The following PLEKHM2 variants were observed in gnomAD, a reference collection of about 807,000 sequenced individuals.
PLEKHM2 encodes the protein pleckstrin homology and RUN domain containing M2.
A neutral mutation model predicts 116.3 loss-of-function variants in PLEKHM2; 77 were observed. The ratio of observed to expected loss-of-function variants is 0.66; its 90% CI spans 0.55 to 0.80. The LOEUF (loss-of-function observed/expected upper bound fraction) is 0.80. Among genes scored for constraint, PLEKHM2 ranks in the 30% least tolerant of loss-of-function variants. The pLI is 0.00. For missense variants in PLEKHM2, 1,183 were observed against 1,354.9 expected (o/e 0.87, Z 1.99); for synonymous variants, 562 against 571.0 (o/e 0.98, Z 0.22).
chr1:15,698,040 G>C (rs986157520), intron 1 of PLEKHM2, among the ~76,000 whole-genome samples: 1 of 151,514 alleles, frequency 6.6e-6, no homozygotes, highest in South Asian at 2.1e-4. Context: ...AAAGATCGAT[G>C]CAGTCCCATG....
At chr1:15,703,090 C>T (rs919459495) in intron 1 of PLEKHM2, among the ~76,000 whole-genome samples, 2 of 152,232 alleles carry the variant, frequency 1.3e-5, no homozygotes, top group Non-Finnish European at 2.9e-5. Flanking sequence ...TGCTGAGGCT[C>T]TTCCAAACAC....
chr1:15,715,296 G>A (rs1471934853), intron 1 of PLEKHM2, among the ~76,000 whole-genome samples: 1 of 152,208 alleles, frequency 6.6e-6, no homozygotes, highest in African/African-American at 2.4e-5. Flanking sequence ...GCTGCAGCGA[G>A]CCGTGATCAC....
chr1:15,705,830 G>T (rs759745171), intron 1 of PLEKHM2, among the ~76,000 whole-genome samples: 3 of 152,066 alleles, frequency 2.0e-5, no homozygotes, highest in African/African-American at 4.8e-5. Flanking sequence ...GGTGGCTCAC[G>T]CCTGTAATCC....
intron 1 of PLEKHM2, among the ~76,000 whole-genome samples, chr1:15,711,733 A>G (rs183808986): frequency 1.3e-5 from 2 of 152,360 alleles, no homozygotes; most frequent in Non-Finnish European, 2.9e-5. Flanking sequence ...AAATTTCTCA[A>G]TAGGGCAAAA....
chr1:15,732,455 C>A lies in PLEKHM2; in HGVS notation c.2731C>A (p.Arg911Ser). 6.3e-7 allele frequency: 1 copy of A among 1,599,712 alleles called. No homozygotes were observed. The highest frequency in any genetic ancestry group is 8.5e-7 in the Non-Finnish European group (1 of 1,173,584). The change falls in exon 18 of 20, where the codon CGC becomes AGC. Residue 911 changes from arginine (R) to serine (S), a missense_variant. This residue lies in a region of PLEKHM2 where 594 missense variants were observed against 720.1 expected (regional missense o/e 0.82). Transcript: ENST00000375799. ...TGAGGATTGCCAGACCAGCTTCTTC[C>A]GCTCTTTGGGCACAGCCAAGCTGGG... ...CHEDCQTSFFRSLGTAKLGDI... is the reference protein window; with the variant it reads ...CHEDCQTSFFSSLGTAKLGDI...
At chr1:15,704,665 C>G (rs1281942617) in intron 1 of PLEKHM2, among the ~76,000 whole-genome samples, 1 of 152,224 alleles carries the variant, frequency 6.6e-6, no homozygotes, top group Non-Finnish European at 1.5e-5. Context: ...TCCACACAAG[C>G]TCCTGCCCTC....
At chr1:15,701,113 C>CA (rs35537871) in intron 1 of PLEKHM2, among the ~76,000 whole-genome samples, 45,381 of 81,594 alleles carry the variant, frequency 0.56, 12,078 homozygotes, top group East Asian at 0.66. Context: ...AACTCTGTCT[C>CA]AAAAAAAAAA....
chr1:15,707,637 T>A (rs1365664665), intron 1 of PLEKHM2, among the ~76,000 whole-genome samples: 1 of 152,170 alleles, frequency 6.6e-6, no homozygotes, highest in Non-Finnish European at 1.5e-5. Flanking sequence ...CACTTGGCAG[T>A]CTGATCAGCA....
At chr1:15,704,978 T>A (rs1641192780) in intron 1 of PLEKHM2, among the ~76,000 whole-genome samples, 1 of 152,022 alleles carries the variant, frequency 6.6e-6, no homozygotes, top group South Asian at 2.1e-4. Context: ...ATGTCATTGG[T>A]CTGGAAAGGG....
intron 1 of PLEKHM2, among the ~76,000 whole-genome samples, chr1:15,711,131 G>C (rs1276579844): frequency 6.6e-6 from 1 of 152,184 alleles, no homozygotes; most frequent in Non-Finnish European, 1.5e-5. Context: ...GGAGGCCAAG[G>C]CAGGAGGATC....
Position 15,725,405 on chromosome 1 carries a change from G to A in PLEKHM2, c.801G>A (p.Gln267=). The change falls in exon 8 of 20, where the codon CAG becomes CAA. Residue 267 remains glutamine (Q), a synonymous_variant. Coordinates refer to ENST00000375799, the MANE Select transcript of PLEKHM2 (RefSeq NM_015164.4). ...SSKASTRSPT[Q]RQNPFNEEPA... The stretch of plus-strand genomic sequence containing the variant: ...AGGCCTCCACCAGGAGCCCCACCCA[G>A]CGCCAGAACCCCTTCAACGAGGAGC... 3 of 1,553,448 alleles carry A rather than the reference G, an allele frequency of 1.9e-6. No homozygotes were observed. Among genetic ancestry groups the A allele is most frequent in the Non-Finnish European group, 2.6e-6 (3 of 1,148,286 alleles).
Position 15,725,369 on chromosome 1 carries a change from G to A in PLEKHM2, c.765G>A (p.Leu255=), listed in dbSNP as rs764552863. The A allele has an allele frequency of 1.3e-6, 2 of 1,551,652 alleles. No individual in the cohort carries two copies. The highest frequency in any genetic ancestry group is 1.2e-5 in the South Asian group (1 of 84,076). The change falls in exon 8 of 20, where the codon CTG becomes CTA. Residue 255 remains leucine, a synonymous_variant. Transcript: ENST00000375799. ...VSGPRSTASD[L]TSSKASTRSP... ...GTCCCCGCTCCACAGCCTCCGACCT[G>A]ACCAGCAGCAAGGCCTCCACCAGGA...
Position 15,729,956 on chromosome 1 carries a change from G to A in PLEKHM2, c.2208+27G>A. On this transcript the variant is annotated intron_variant, in intron 14 of 19. Coordinates refer to ENST00000375799, the MANE Select transcript of PLEKHM2 (RefSeq NM_015164.4). This position sits in a 1 kb window ranked among gnomAD's most constrained non-coding sequence, Gnocchi z 4.7. Reference sequence around the variant, plus strand: ...TAAGAACCTGGGGAGGAAGCTGAGTGCAGCCCCTGAGATGGCAGAGCAGCA... The same window carrying A: ...TAAGAACCTGGGGAGGAAGCTGAGTACAGCCCCTGAGATGGCAGAGCAGCA... 6.3e-7 allele frequency: 1 copy of A among 1,589,288 alleles called. No individual in the cohort carries two copies. The highest frequency in any genetic ancestry group is 8.6e-7 in the Non-Finnish European group (1 of 1,169,218).
At chr1:15,720,403 C>T (rs1557655264) in intron 6 of PLEKHM2, 3 of 984,980 alleles carry the variant, frequency 3.0e-6, no homozygotes, top group Admixed American at 6.2e-5. Context: ...TGTGTCCGTC[C>T]GATTTCTCTG....
In PLEKHM2 at chr1:15,721,356, C is replaced by T. The variant is rs1304959070; in HGVS notation, c.680C>T (p.Ala227Val). 2 of 1,570,918 alleles carry T rather than the reference C, an allele frequency of 1.3e-6. No individual in the cohort carries two copies. The highest frequency in any genetic ancestry group is 1.9e-5 in the Admixed American group (1 of 53,344). ...EDYDFGDVFP[A>V]VPSVPSTDWE... ...TATGATTTTGGAGATGTGTTTCCAG[C>T]AGTGCCGTCTGTACCCAGCACAGAC... The change falls in exon 7 of 20, where the codon GCA becomes GTA. Residue 227 changes from alanine (A) to valine (V), a missense_variant. Transcript: ENST00000375799. This position sits in a 1 kb window ranked among gnomAD's most constrained non-coding sequence, Gnocchi z 5.1.
rs1048663181 is a variant in PLEKHM2 at position 15,685,873 on chromosome 1, T to A, written c.60+1255T>A. On this transcript the variant is annotated intron_variant, in intron 1 of 19. Coordinates refer to ENST00000375799, the MANE Select transcript of PLEKHM2 (RefSeq NM_015164.4). Reference sequence around the variant, plus strand: ...ACGTAGTTTTACTGAGCTTTGCTAATGTAATGGGGTATGGTTTTTGCTTAC... The same window carrying A: ...ACGTAGTTTTACTGAGCTTTGCTAAAGTAATGGGGTATGGTTTTTGCTTAC... Among the ~76,000 whole-genome samples, 53 of 152,196 alleles carry A rather than the reference T, an allele frequency of 3.5e-4. 1 individual carries two copies. The highest frequency in any genetic ancestry group is 1.3e-3 in the African/African-American group (52 of 41,444).
At chr1:15,692,309 T>G (rs1640904744) in intron 1 of PLEKHM2, among the ~76,000 whole-genome samples, 1 of 152,138 alleles carries the variant, frequency 6.6e-6, no homozygotes, top group South Asian at 2.1e-4. Flanking sequence ...AAGATTTACA[T>G]AAAATAGTAT....
At chr1:15,725,178 T>G (rs970275076) in intron 7 of PLEKHM2, 139 bp from the exon 8 acceptor site, 1 of 634,480 alleles carries the variant, frequency 1.6e-6, no homozygotes, top group Non-Finnish European at 2.8e-6. Flanking sequence ...TGGCTTCTAC[T>G]CGAAATGGGG....
At position 15,729,112 on chromosome 1, in the gene PLEKHM2, A is replaced by G; in HGVS notation, c.1997A>G (p.Asp666Gly). 2.5e-6 allele frequency: 4 copies of G among 1,609,222 alleles called. No homozygotes were observed. Among genetic ancestry groups the G allele is most frequent in the Non-Finnish European group, 3.4e-6 (4 of 1,178,032 alleles). ...TGTGGTTTCTGGCAGGTTGGCCTTG[A>G]CCAGCAGACGGTGAAGCTGGTGTGC... ...NELDYVSVGL[D>G]QQTVKLVCTN... is the part of the protein sequence containing the mutation. Residue 666 changes from aspartate (D) to glycine (G), a missense_variant, in exon 13 of 20, where the codon GAC (aspartate) becomes GGC (glycine). Transcript: ENST00000375799. The surrounding 1 kb of genome is among the most constrained non-coding windows in gnomAD (Gnocchi z 4.7).
Sources: allele counts gnomAD v4.1 joint callset (sites outside exome capture counted in the v4.1 genomes callset), GRCh38; gene constraint gnomAD v4.1.1; regional missense constraint gnomAD v4.1.1; non-coding constraint Gnocchi (gnomAD v3.1); transcripts MANE v1.5; gene names NCBI Gene and HGNC (gene_info 2026-07-23, HGNC 2026-07-21).